Variants in MACROD2 observed in about 807,000 individuals in gnomAD.
MACROD2 encodes ADP-ribose glycohydrolase MACROD2.
In MACROD2, 36 loss-of-function variants were observed where a neutral mutation model predicts 70.4. The observed-to-expected ratio is 0.51, with a 90% CI of 0.39 to 0.68. The LOEUF (loss-of-function observed/expected upper bound fraction) is 0.68, where lower values mean the gene tolerates loss of function less well. Ranked by LOEUF, MACROD2 falls within the 30% of genes least tolerant of loss-of-function variation. The probability of loss-of-function intolerance (pLI) is 0.00; values close to 1 mark genes in which losing one functional copy is unlikely to be tolerated. For missense variants in MACROD2, 496 were observed against 538.4 expected (o/e 0.92, Z 0.78); for synonymous variants, 172 against 178.8 (o/e 0.96, Z 0.30).
At chr20:15,792,336 C>T (rs2063631892) in intron 8 of MACROD2, among the ~76,000 whole-genome samples, 1 of 151,854 alleles carries the variant, frequency 6.6e-6, no homozygotes, top group Non-Finnish European at 1.5e-5. Context: ...GGACACAAGA[C>T]ACAGAGCACA....
chr20:14,305,949 G>A (rs554593973), intron 3 of MACROD2, among the ~76,000 whole-genome samples: 12 of 151,522 alleles, frequency 7.9e-5, no homozygotes, highest in South Asian at 2.1e-4. Flanking sequence ...TTTCTTCAAC[G>A]TGAGTCTACT....
chr20:15,305,655 T>TTG (rs143803631), intron 6 of MACROD2, among the ~76,000 whole-genome samples: 36,863 of 150,600 alleles, frequency 0.24, 4,790 homozygotes, highest in African/African-American at 0.33. Flanking sequence ...GTTGATAAAA[T>TTG]TGTGTGTGTG....
intron 5 of MACROD2, among the ~76,000 whole-genome samples, chr20:14,818,955 T>C (rs1968891459): frequency 6.6e-6 from 1 of 150,602 alleles, no homozygotes; most frequent in African/African-American, 2.4e-5. Flanking sequence ...TCAGAGAGGT[T>C]AATTAACTTG....
chr20:15,044,817 C>G (rs1413342186), intron 5 of MACROD2, among the ~76,000 whole-genome samples: 1 of 152,108 alleles, frequency 6.6e-6, no homozygotes, highest in African/African-American at 2.4e-5. Context: ...TCAAATTACT[C>G]TGTTTGAAAG....
At chr20:15,626,574 G>A (rs932788675) in intron 8 of MACROD2, among the ~76,000 whole-genome samples, 1 of 152,180 alleles carries the variant, frequency 6.6e-6, no homozygotes, top group Non-Finnish European at 1.5e-5. Context: ...CTGCAAATGG[G>A]GTGGGCACGC....
chr20:15,804,220 T>A (rs1319889903), intron 8 of MACROD2, among the ~76,000 whole-genome samples: 1 of 152,238 alleles, frequency 6.6e-6, no homozygotes, highest in Non-Finnish European at 1.5e-5. Context: ...TTGTGAGCTG[T>A]GCTGTGACAA....
At chr20:15,549,816 C>T (rs1228740768) in intron 8 of MACROD2, among the ~76,000 whole-genome samples, 1 of 152,096 alleles carries the variant, frequency 6.6e-6, no homozygotes, top group East Asian at 1.9e-4. Context: ...TAACTCAAAC[C>T]AAATATTGTC....
In MACROD2 at chr20:15,528,787, G is replaced by A. The variant is rs78566857; in HGVS notation, c.645+28940G>A. 9.8e-4 allele frequency among the ~76,000 whole-genome samples: 148 copies of A among 151,252 alleles called. 3 individuals are homozygous for A. The East Asian group carries it at 0.023, about 23-fold the overall frequency. Reference sequence around the variant, plus strand: ...AATGTAGCTTTTTGAAGAAGAAGAAGCAAATGCCTGAGCTTAGCTGCCATC... The same window carrying A: ...AATGTAGCTTTTTGAAGAAGAAGAAACAAATGCCTGAGCTTAGCTGCCATC... On this transcript the variant is annotated intron_variant, in intron 8 of 17. Transcript: ENST00000684519.
At chr20:16,002,441 T>C (rs530614008) in intron 15 of MACROD2, among the ~76,000 whole-genome samples, 12 of 152,230 alleles carry the variant, frequency 7.9e-5, no homozygotes, top group African/African-American at 2.9e-4. Flanking sequence ...GTGAGCCCAG[T>C]GTAATCACAA....
chr20:15,261,877 T>A (rs996494982), intron 6 of MACROD2, among the ~76,000 whole-genome samples: 1 of 151,938 alleles, frequency 6.6e-6, no homozygotes, highest in Non-Finnish European at 1.5e-5. Flanking sequence ...CTGCCTATCA[T>A]GACTTTTTAT....
At chr20:15,939,916 G>C (rs184316749) in intron 12 of MACROD2, among the ~76,000 whole-genome samples, 1 of 152,232 alleles carries the variant, frequency 6.6e-6, no homozygotes, top group East Asian at 1.9e-4. Context: ...AGTAACTAAA[G>C]ATGTGGTAGA....
At chr20:14,828,161 CTA>C (rs1313497746) in intron 5 of MACROD2, among the ~76,000 whole-genome samples, 1 of 151,744 alleles carries the variant, frequency 6.6e-6, no homozygotes, top group Admixed American at 6.6e-5. Context: ...TACAATTTTC[CTA>C]TGTTTGCTTT....
chr20:14,686,360 A>T (rs1269860369), intron 5 of MACROD2, among the ~76,000 whole-genome samples: 1 of 152,204 alleles, frequency 6.6e-6, no homozygotes, highest in Non-Finnish European at 1.5e-5. Flanking sequence ...ATATTATACA[A>T]TATTTTAAAT....
At chr20:14,672,576 A>G (rs1375911761) in intron 4 of MACROD2, among the ~76,000 whole-genome samples, 1 of 152,228 alleles carries the variant, frequency 6.6e-6, no homozygotes, top group Non-Finnish European at 1.5e-5. Flanking sequence ...GGTCTACCAC[A>G]TTAAGATTCT....
At chr20:15,350,082 A>C (rs1336972060) in intron 6 of MACROD2, among the ~76,000 whole-genome samples, 2 of 152,214 alleles carry the variant, frequency 1.3e-5, no homozygotes, top group Non-Finnish European at 2.9e-5. Context: ...TGTGAAGAAA[A>C]GTCTAGTGAA....
At chr20:15,474,949 G>T (rs2047003226) in intron 7 of MACROD2, among the ~76,000 whole-genome samples, 1 of 151,794 alleles carries the variant, frequency 6.6e-6, no homozygotes, top group Admixed American at 6.6e-5. Context: ...CGCCCCTACG[G>T]TCAGCTCTCT....
chr20:15,000,629 CAAAAAAAAAAAAA>C lies in MACROD2; in HGVS notation c.419-229291_419-229279del, dbSNP rs398040701. ...TGGGCGACAGAGCGAGACTCCGTCT[CAAAAAAAAAAAAA>C]AAAAAAAAAAAAAAAAAAAGAGGTA... On this transcript the variant is annotated intron_variant, in intron 5 of 17. Coordinates refer to ENST00000684519, the MANE Select transcript of MACROD2 (RefSeq NM_001351661.2). Among the ~76,000 whole-genome samples the C allele has an allele frequency of 1.0e-3, 22 of 21,984 alleles. No homozygotes were observed. In the South Asian group the frequency reaches 0.036, roughly 36 times the overall value. The allele number at this position is 21,984 out of a possible 152,430, so 14.4% of individuals were successfully genotyped here. A position where few individuals can be genotyped will look rare whatever the true frequency, so the allele number is the denominator to read the frequency against.
chr20:14,477,370 A>G (rs1482755794), intron 3 of MACROD2, among the ~76,000 whole-genome samples: 2 of 152,292 alleles, frequency 1.3e-5, no homozygotes, highest in African/African-American at 4.8e-5. Flanking sequence ...GCAAGTTCTC[A>G]AGGCTAGCAC....
intron 5 of MACROD2, among the ~76,000 whole-genome samples, chr20:14,946,674 T>C (rs973755644): frequency 9.8e-5 from 15 of 152,332 alleles, no homozygotes; most frequent in South Asian, 4.1e-4. Context: ...CTGTTGATTT[T>C]CTTTTCCTCC....
Sources: gnomAD v4.1 joint callset for allele counts (sites outside exome capture counted in the v4.1 genomes callset) on GRCh38, gnomAD v4.1.1 for gene constraint, MANE v1.5 for transcripts, NCBI Gene and HGNC (gene_info 2026-07-23, HGNC 2026-07-21) for gene names.